The following SNORC variants were observed in gnomAD, a reference collection of about 807,000 sequenced individuals.
SNORC encodes the protein protein SNORC.
A neutral mutation model predicts 9.7 loss-of-function variants in SNORC; 11 were observed. The observed-to-expected ratio is 1.14, with a 90% CI of 0.72 to 1.88. The LOEUF (loss-of-function observed/expected upper bound fraction) is 1.88. Among genes scored for constraint, SNORC ranks in the 40% most tolerant of loss-of-function variants. SNORC has a pLI of 0.00. For synonymous variants in SNORC, 108 were observed against 88.7 expected, an observed-to-expected ratio of 1.22 and a Z score of -1.22; for missense variants, 197 against 173.1, an observed-to-expected ratio of 1.14 and a Z score of -0.77.
upstream of SNORC, among the ~76,000 whole-genome samples, chr2:232,867,130 T>C (rs1690893757): frequency 2.6e-5 from 4 of 152,210 alleles, no homozygotes; most frequent in South Asian, 6.2e-4. Context: ...ACCTAGGTAC[T>C]AAAACTTGTG....
intron 1 of SNORC, among the ~76,000 whole-genome samples, chr2:232,871,223 G>A (rs1691013379): frequency 6.6e-6 from 1 of 152,218 alleles, no homozygotes; most frequent in African/African-American, 2.4e-5. Context: ...GTGGACCGCA[G>A]TCATGAGAGC....
downstream of SNORC, chr2:232,878,485 T>G (rs140666127): frequency 7.2e-3 from 1,097 of 153,128 alleles, 14 homozygotes; most frequent in African/African-American, 0.024. Flanking sequence ...CAAACAGCCC[T>G]TTCTGTTTCT....
Position 232,875,335 on chromosome 2 carries a change from C to G in SNORC, c.74-605C>G, listed in dbSNP as rs777280411. ...TCCAGCCTGGGCACAGAGCAAGACT[C>G]TGTTTCAAAAAGAGAGAGAGAGAGA... On this transcript the variant is annotated intron_variant, in intron 1 of 2. Coordinates refer to ENST00000331342, the Ensembl canonical transcript of SNORC. 75 of 206,810 alleles carry G rather than the reference C, an allele frequency of 3.6e-4. No homozygotes were observed. In the Admixed American group the frequency reaches 4.4e-3, roughly 12 times the overall value. The allele number at this position is 206,810 out of a possible 1,614,324, so 12.8% of individuals were successfully genotyped here.
chr2:232,876,329 C>G lies in SNORC; in HGVS notation c.339C>G (p.Val113=), dbSNP rs764670925. 1 of 1,546,110 alleles carries G rather than the reference C, an allele frequency of 6.5e-7. No individual in the cohort carries two copies. The highest frequency in any genetic ancestry group is 8.7e-7 in the Non-Finnish European group (1 of 1,149,732). ...GCGTGGTGCTGGCGCTCGTGGTCGT[C>G]GCGCTGAGAAAGTTTTCTGCCTCCT... Residue 113 remains valine (V), a synonymous_variant, in exon 3 of 3, where the codon GTC becomes GTG. Coordinates refer to ENST00000331342, the Ensembl canonical transcript of SNORC. This position sits in a 1 kb window ranked among gnomAD's most constrained non-coding sequence, Gnocchi z 6.8.
At chr2:232,870,286 T>G in exon 1 of SNORC, 2 of 1,474,614 alleles carry the variant, frequency 1.4e-6, no homozygotes, top group Non-Finnish European at 1.9e-6. Flanking sequence ...GCCCTGAAGT[T>G]AACCAGCGCA....
chr2:232,870,473 T>C, intron 1 of SNORC, 59 bp downstream of exon 1: 1 of 1,469,702 alleles, frequency 6.8e-7, no homozygotes, highest in Non-Finnish European at 9.3e-7. Context: ...GATAACTACC[T>C]TGGGGCCAGA....
downstream of SNORC, chr2:232,877,188 A>G (rs983291632): frequency 5.4e-5 from 53 of 984,654 alleles, no homozygotes; most frequent in Non-Finnish European, 6.3e-5. Flanking sequence ...TCCTACTCTC[A>G]CCCCCAGGCC....
At chr2:232,877,432 C>T (rs1691316277), downstream of SNORC, 1 of 911,902 alleles carries the variant, frequency 1.1e-6, no homozygotes, top group Admixed American at 6.2e-5. Context: ...ACCCCAGTCC[C>T]CAGGGCCTTT....
upstream of SNORC, among the ~76,000 whole-genome samples, chr2:232,867,909 T>A (rs542841639): frequency 5.9e-5 from 9 of 152,308 alleles, no homozygotes; most frequent in African/African-American, 1.9e-4. Context: ...TGAGGAAGAT[T>A]TGGAAGAAGA....
At chr2:232,868,412 C>T (rs1407109888), upstream of SNORC, among the ~76,000 whole-genome samples, 1 of 152,164 alleles carries the variant, frequency 6.6e-6, no homozygotes, top group Non-Finnish European at 1.5e-5. Flanking sequence ...ATTTCATCTT[C>T]ACCATCCATG....
At chr2:232,875,912 G>GC (rs1691211845) in intron 1 of SNORC, 28 bp from the exon 2 acceptor site, 4 of 1,526,948 alleles carry the variant, frequency 2.6e-6, no homozygotes, top group Middle Eastern at 1.8e-4. Flanking sequence ...GTCACCTGGG[G>GC]CCCCAGCACC....
Position 232,872,603 on chromosome 2 carries a change from G to A in SNORC, c.73+2189G>A, listed in dbSNP as rs151059587. 1.1e-3 allele frequency among the ~76,000 whole-genome samples: 173 copies of A among 152,196 alleles called. 3 individuals are homozygous for A. The highest frequency in any genetic ancestry group is 3.3e-3 in the Admixed American group (50 of 15,286). On this transcript the variant is annotated intron_variant, in intron 1 of 2. Coordinates refer to ENST00000331342, the Ensembl canonical transcript of SNORC. Reference sequence around the variant, plus strand: ...CATTACCGCCATGGAACTTTCTTGGGGTCCTCCGTGCCCCCACCTCTTTGC... The same window carrying A: ...CATTACCGCCATGGAACTTTCTTGGAGTCCTCCGTGCCCCCACCTCTTTGC...
upstream of SNORC, among the ~76,000 whole-genome samples, chr2:232,869,990 A>G (rs1690959716): frequency 6.6e-6 from 1 of 152,196 alleles, no homozygotes; most frequent in African/African-American, 2.4e-5. Context: ...TCTTTTGCAC[A>G]AGAAAGCTTG....
At chr2:232,876,494 T>C (rs1691251779), downstream of SNORC, 3 of 1,299,588 alleles carry the variant, frequency 2.3e-6, no homozygotes, top group Non-Finnish European at 9.7e-7. This position sits in a 1 kb window ranked among gnomAD's most constrained non-coding sequence, Gnocchi z 6.8. Flanking sequence ...AGGGCGGGGG[T>C]GCGCGCGGGG....
At chr2:232,875,718 A>G (rs1691202547) in intron 1 of SNORC, 4 of 581,356 alleles carry the variant, frequency 6.9e-6, no homozygotes, top group Non-Finnish European at 1.2e-5. Flanking sequence ...CCTCCCTTAC[A>G]CTGAACAGAC....
At chr2:232,871,659 C>T (rs1484986101) in intron 1 of SNORC, among the ~76,000 whole-genome samples, 4 of 152,182 alleles carry the variant, frequency 2.6e-5, no homozygotes, top group Admixed American at 1.3e-4. Context: ...CCAGCCTAGG[C>T]GAGCCATGCG....
intron 1 of SNORC, among the ~76,000 whole-genome samples, chr2:232,871,313 C>G (rs1044071997): frequency 6.6e-6 from 1 of 152,106 alleles, no homozygotes; most frequent in Non-Finnish European, 1.5e-5. Context: ...TGGGTGACAG[C>G]GAGGAGCACC....
chr2:232,876,915 C>G, downstream of SNORC: 1 of 985,366 alleles, frequency 1.0e-6, no homozygotes, highest in Non-Finnish European at 1.2e-6. This position sits in a 1 kb window ranked among gnomAD's most constrained non-coding sequence, Gnocchi z 6.8. Flanking sequence ...CAGAGCGTTC[C>G]GTGAGGAGGT....
At chr2:232,875,800 G>C in intron 1 of SNORC, 140 bp from the exon 2 acceptor site, 1 of 915,574 alleles carries the variant, frequency 1.1e-6, no homozygotes, top group Non-Finnish European at 1.6e-6. Flanking sequence ...TCTTAGCCTG[G>C]GAAATGTGAG....
Sources: gnomAD v4.1 joint callset for allele counts (sites outside exome capture counted in the v4.1 genomes callset) on GRCh38, gnomAD v4.1.1 for gene constraint, Gnocchi (gnomAD v3.1) non-coding constraint, MANE v1.5 for transcripts, NCBI Gene and HGNC (gene_info 2026-07-23, HGNC 2026-07-21) for gene names.